Variants in GIN1 observed in about 807,000 individuals in gnomAD.
The protein encoded by GIN1 is gypsy retrotransposon integrase-like protein 1.
A neutral mutation model predicts 51.4 loss-of-function variants in GIN1; 41 were observed. The ratio of observed to expected loss-of-function variants is 0.80; its 90% CI spans 0.62 to 1.04. GIN1 has a LOEUF of 1.04. Among genes scored for constraint, GIN1 ranks in the 50% least tolerant of loss-of-function variants. GIN1 has a pLI of 0.00. For missense variants in GIN1, 610 were observed against 612.4 expected, an observed-to-expected ratio of 1.00 and a Z score of 0.04; for synonymous variants, 222 against 206.5, an observed-to-expected ratio of 1.07 and a Z score of -0.64.
At chr5:103,092,965 A>AC (rs1787295288) in intron 7 of GIN1, among the ~76,000 whole-genome samples, 1 of 142,198 alleles carries the variant, frequency 7.0e-6, no homozygotes, top group Non-Finnish European at 1.6e-5. Flanking sequence ...AAAAAAAAAA[A>AC]AAAAGGAAAA....
chr5:103,098,832 G>A (rs1787483644), intron 4 of GIN1, among the ~76,000 whole-genome samples: 1 of 152,090 alleles, frequency 6.6e-6, no homozygotes, highest in African/African-American at 2.4e-5. Context: ...TGTTTAAAAA[G>A]CATGTAAAAC....
At chr5:103,100,420 G>T (rs114630649) in intron 4 of GIN1, among the ~76,000 whole-genome samples, 1,843 of 151,622 alleles carry the variant, frequency 0.012, 32 homozygotes, top group African/African-American at 0.043. Context: ...TTGAGACAGG[G>T]TCTCACTGTT....
intron 4 of GIN1, chr5:103,102,822 G>T (rs1787612077): frequency 6.6e-6 from 1 of 152,106 alleles, no homozygotes. Flanking sequence ...GGAGGTTGCA[G>T]TGAGCCAAGA....
intron 7 of GIN1, among the ~76,000 whole-genome samples, chr5:103,088,378 T>C (rs1044767208): frequency 6.6e-6 from 1 of 152,138 alleles, no homozygotes; most frequent in Non-Finnish European, 1.5e-5. Flanking sequence ...ACATAAACAA[T>C]GCAGGAAAGG....
intron 3 of GIN1, 162 bp downstream of exon 3, chr5:103,106,554 A>C (rs1414462126): frequency 2.1e-6 from 1 of 485,262 alleles, no homozygotes; most frequent in Non-Finnish European, 3.6e-6. Flanking sequence ...AATTATACTT[A>C]AGTGATTTAA....
At chr5:103,104,937 G>C in intron 3 of GIN1, 91 bp from the exon 4 acceptor site, 1 of 752,910 alleles carries the variant, frequency 1.3e-6, no homozygotes, top group Non-Finnish European at 2.1e-6. Flanking sequence ...TTTTAAAATG[G>C]TTAATAGGTA....
At chr5:103,114,715 C>T (rs1290078148) in intron 1 of GIN1, among the ~76,000 whole-genome samples, 1 of 152,166 alleles carries the variant, frequency 6.6e-6, no homozygotes, top group Non-Finnish European at 1.5e-5. Flanking sequence ...TAATATGTGT[C>T]AACCTTTATC....
chr5:103,105,438 T>C (rs1206949286), intron 3 of GIN1, among the ~76,000 whole-genome samples: 3 of 152,226 alleles, frequency 2.0e-5, no homozygotes, highest in African/African-American at 7.2e-5. Flanking sequence ...CAATAATTTC[T>C]ATATACATAA....
At chr5:103,114,075 G>A (rs531623997) in intron 1 of GIN1, among the ~76,000 whole-genome samples, 1 of 140,450 alleles carries the variant, frequency 7.1e-6, no homozygotes, top group East Asian at 2.4e-4. Context: ...ATTTTTGCCT[G>A]GAATGAACTT....
chr5:103,091,195 T>C (rs544552140), intron 7 of GIN1, among the ~76,000 whole-genome samples: 73 of 152,318 alleles, frequency 4.8e-4, no homozygotes, highest in African/African-American at 1.8e-3. Context: ...AAGAGACTCT[T>C]GTGGCCTTAC....
Position 103,097,661 on chromosome 5 carries a change from A to C in GIN1, c.760T>G (p.Cys254Gly). Residue 254 changes from cysteine (C) to glycine (G), a missense_variant, in exon 5 of 8, where the codon TGT becomes GGT. Physicochemically the swap from Cys to Gly is radical, Grantham distance 159. Coordinates refer to ENST00000399004, the MANE Select transcript of GIN1 (RefSeq NM_017676.2). Reference sequence around the variant, plus strand: ...TCCCAATTGTTTGGGTGGTCAGCACAGTGTTTGGAGAGAAATGCTTTGATT... The same window carrying C: ...TCCCAATTGTTTGGGTGGTCAGCACCGTGTTTGGAGAGAAATGCTTTGATT... ...NTIKAFLSKHCADHPNNWDDH... is the reference protein window; with the variant it reads ...NTIKAFLSKHGADHPNNWDDH... 1.2e-6 allele frequency: 2 copies of C among 1,611,204 alleles called. No homozygotes were observed. Among genetic ancestry groups the C allele is most frequent in the Non-Finnish European group, 8.5e-7 (1 of 1,177,378 alleles).
chr5:103,107,446 C>T (rs1232515068), intron 2 of GIN1, among the ~76,000 whole-genome samples: 1 of 152,016 alleles, frequency 6.6e-6, no homozygotes, highest in Non-Finnish European at 1.5e-5. Flanking sequence ...TTCTCTGTTT[C>T]CTTAGGAGGA....
chr5:103,110,884 T>C (rs577517502), intron 1 of GIN1, among the ~76,000 whole-genome samples: 3 of 152,290 alleles, frequency 2.0e-5, no homozygotes, highest in African/African-American at 7.2e-5. Context: ...CCACTTCTAT[T>C]GTTACCAAGT....
rs1787563506 is a variant in GIN1 at position 103,101,157 on chromosome 5, T to C, written c.640-3376A>G. Among the ~76,000 whole-genome samples the C allele has an allele frequency of 3.3e-5, 5 of 152,198 alleles. No individual in the cohort carries two copies. In the South Asian group the frequency reaches 1.0e-3, roughly 32 times the overall value. ...TCACTACTCTTGCACTTTGGGGGCA[T>C]TCTTAAATAAAATAAGGGTAACTTG... On this transcript the variant is annotated intron_variant, in intron 4 of 7. Coordinates refer to ENST00000399004, the MANE Select transcript of GIN1 (RefSeq NM_017676.2).
intron 4 of GIN1, among the ~76,000 whole-genome samples, chr5:103,099,362 T>C (rs1374963377): frequency 1.3e-5 from 2 of 151,668 alleles, no homozygotes; most frequent in East Asian, 3.9e-4. Flanking sequence ...CCAATATATA[T>C]TGGGATAATA....
intron 1 of GIN1, among the ~76,000 whole-genome samples, chr5:103,111,683 C>T (rs975312758): frequency 6.6e-6 from 1 of 152,070 alleles, no homozygotes; most frequent in Non-Finnish European, 1.5e-5. Flanking sequence ...ATGTGGGTAA[C>T]CAGAACTGGT....
chr5:103,106,316 A>C (rs1466144058), intron 3 of GIN1, among the ~76,000 whole-genome samples: 6 of 152,260 alleles, frequency 3.9e-5, no homozygotes, highest in African/African-American at 1.4e-4. Flanking sequence ...GAACAGGCAC[A>C]AAAGATAAGA....
chr5:103,100,132 G>T, intron 4 of GIN1, among the ~76,000 whole-genome samples: 1 of 150,764 alleles, frequency 6.6e-6, no homozygotes, highest in Non-Finnish European at 1.5e-5. Context: ...TTTGAGACAG[G>T]GTCTCAGTCT....
intron 3 of GIN1, among the ~76,000 whole-genome samples, chr5:103,106,357 T>C (rs1787725173): frequency 6.6e-6 from 1 of 152,110 alleles, no homozygotes; most frequent in Admixed American, 6.6e-5. Flanking sequence ...ACTATGAACA[T>C]ATTCTCCCCT....
Sources: allele counts gnomAD v4.1 joint callset (sites outside exome capture counted in the v4.1 genomes callset), GRCh38; gene constraint gnomAD v4.1.1; transcripts MANE v1.5; gene names NCBI Gene and HGNC (gene_info 2026-07-23, HGNC 2026-07-21).